Variants in ATL3 observed in about 807,000 individuals in gnomAD.
The protein encoded by ATL3 is atlastin-3.
ATL3 carries 49 observed loss-of-function variants against 69.5 expected under a neutral mutation model. That is an observed-to-expected ratio of 0.71 (90% CI 0.56 to 0.89). ATL3 has a LOEUF of 0.89. ATL3 is among the 40% of genes least tolerant of loss of function. ATL3 has a pLI of 0.00. For synonymous variants in ATL3, 214 were observed against 224.1 expected, an observed-to-expected ratio of 0.95 and a Z score of 0.40; for missense variants, 606 against 645.7, an observed-to-expected ratio of 0.94 and a Z score of 0.67.
rs1183900355 is a variant in ATL3 at position 63,671,306 on chromosome 11, A to G, written c.30T>C (p.Ala10=). 1 of 1,587,792 alleles carries G rather than the reference A, an allele frequency of 6.3e-7. No individual in the cohort carries two copies. The highest frequency in any genetic ancestry group is 1.7e-5 in the Admixed American group (1 of 57,802). The stretch of plus-strand genomic sequence containing the variant: ...GCGCCTCACCTGCTCCTCTTGAGGC[A>G]GCTGCTGCCACTCGCTGAGGGGACA... MLSPQRVAA[A]ASRGADDAME... Residue 10 remains alanine, a synonymous_variant, in exon 1 of 13, where the codon GCT becomes GCC. Transcript: ENST00000398868.
chr11:63,653,950 C>T (rs562912878), intron 3 of ATL3, among the ~76,000 whole-genome samples: 5 of 152,060 alleles, frequency 3.3e-5, no homozygotes, highest in Admixed American at 2.0e-4. Context: ...ATCCAATGTA[C>T]AACACAATGA....
chr11:63,652,697 G>T, intron 3 of ATL3, 122 bp from the exon 4 acceptor site: 1 of 585,346 alleles, frequency 1.7e-6, no homozygotes, highest in Non-Finnish European at 2.9e-6. Flanking sequence ...TGAGCCTTAA[G>T]CACCTGCTTG....
intron 1 of ATL3, among the ~76,000 whole-genome samples, chr11:63,666,648 G>C (rs911363030): frequency 7.4e-5 from 11 of 148,526 alleles, no homozygotes; most frequent in African/African-American, 2.7e-4. Flanking sequence ...GCGATCAAGT[G>C]ATCTATCCAC....
chr11:63,636,267 T>G lies in ATL3; in HGVS notation c.918A>C (p.Leu306Phe). ...LIPYVLNPSKLMEKEINGSKV... is the reference protein window; with the variant it reads ...LIPYVLNPSKFMEKEINGSKV... Reference sequence around the variant, plus strand: ...TTGAGCCATTGATCTCCTTTTCCATTAACTTAGATGGGTTTAATACATACG... The same window carrying G: ...TTGAGCCATTGATCTCCTTTTCCATGAACTTAGATGGGTTTAATACATACG... Residue 306 changes from leucine to phenylalanine, a missense_variant, in exon 9 of 13, where the codon TTA (leucine) becomes TTC (phenylalanine). Leu to Phe is a conservative substitution (Grantham distance 22). Transcript: ENST00000398868. The G allele has an allele frequency of 1.2e-6, 2 of 1,614,032 alleles. No individual in the cohort carries two copies. Among genetic ancestry groups the G allele is most frequent in the Non-Finnish European group, 1.7e-6 (2 of 1,180,002 alleles).
chr11:63,643,555 C>G, intron 7 of ATL3, 60 bp from the exon 8 acceptor site: 1 of 1,499,342 alleles, frequency 6.7e-7, no homozygotes, highest in Non-Finnish European at 9.1e-7. Context: ...TCACTAGGGA[C>G]AACTAGTATA....
chr11:63,658,236 G>T (rs1940318104), intron 3 of ATL3, among the ~76,000 whole-genome samples: 1 of 152,154 alleles, frequency 6.6e-6, no homozygotes, highest in Non-Finnish European at 1.5e-5. Flanking sequence ...AAAGCTATGT[G>T]TTTTTTAAAT....
rs987856214 is a variant in ATL3 at position 63,624,277 on chromosome 11, C to A, written c.*5042G>T. The A allele has an allele frequency of 1.3e-5, 2 of 152,100 alleles. No individual in the cohort carries two copies. Among genetic ancestry groups the A allele is most frequent in the African/African-American group, 4.8e-5 (2 of 41,394 alleles). 9.4% of individuals were successfully genotyped at this position (152,100 alleles called of 1,614,324 possible). On this transcript the variant is annotated 3_prime_UTR_variant, in exon 13 of 13. Coordinates refer to ENST00000398868, the MANE Select transcript of ATL3 (RefSeq NM_015459.5). ...CAAATCATTTTTTAAAATAAAAAAA[C>A]CTGAGGAAAATTTGTGTATGTACAA...
intron 5 of ATL3, among the ~76,000 whole-genome samples, chr11:63,649,391 G>C (rs1939995903): frequency 6.6e-6 from 1 of 152,144 alleles, no homozygotes; most frequent in East Asian, 1.9e-4. Context: ...TGATTCACCT[G>C]CCTCAGCCTC....
rs77255567 is a variant in ATL3 at position 63,639,945 on chromosome 11, T to G, written c.850+3412A>C. Among the ~76,000 whole-genome samples the G allele has an allele frequency of 4.3e-3, 647 of 152,208 alleles. 8 individuals carry two copies. Among genetic ancestry groups the G allele is most frequent in the African/African-American group, 0.015 (606 of 41,526 alleles). On this transcript the variant is annotated intron_variant, in intron 8 of 12. Coordinates refer to ENST00000398868, the MANE Select transcript of ATL3 (RefSeq NM_015459.5). ...ACTATCTACCTTATCTTTTTTTTTT[T>G]GGGACAGAGTTTCGCTCTTGTTGCC...
upstream of ATL3, chr11:63,671,383 G>A (rs1349315176): frequency 1.3e-6 from 2 of 1,548,968 alleles, no homozygotes; most frequent in Admixed American, 2.0e-5. Context: ...AGAGGAGAGG[G>A]ACGGGTGCGG....
chr11:63,640,408 C>T (rs1333972020), intron 8 of ATL3, among the ~76,000 whole-genome samples: 1 of 151,670 alleles, frequency 6.6e-6, no homozygotes, highest in Non-Finnish European at 1.5e-5. Context: ...CTACCTCAGC[C>T]TTCTGAGTAG....
chr11:63,641,530 A>C (rs972079189), intron 8 of ATL3, among the ~76,000 whole-genome samples: 1 of 152,232 alleles, frequency 6.6e-6, no homozygotes, highest in Non-Finnish European at 1.5e-5. Flanking sequence ...ATGTGACAAC[A>C]AAGAACCTGG....
At chr11:63,660,088 G>A (rs1590743057) in intron 1 of ATL3, among the ~76,000 whole-genome samples, 1 of 147,342 alleles carries the variant, frequency 6.8e-6, no homozygotes, top group Non-Finnish European at 1.5e-5. Flanking sequence ...CTGTCTCAAA[G>A]AAAAAAAGTA....
Position 63,631,255 on chromosome 11 carries a change from G to A in ATL3, c.1324C>T (p.Arg442Ter), listed in dbSNP as rs767929561. 49 of 1,614,202 alleles carry A rather than the reference G, an allele frequency of 3.0e-5. No individual in the cohort carries two copies. The highest frequency in any genetic ancestry group is 3.3e-4 in the Middle Eastern group (2 of 6,062). Residue 442 changes from arginine (R) to a stop codon, truncating the protein, a stop_gained, in exon 12 of 13, where the codon CGA (arginine) becomes TGA (stop). Transcript: ENST00000398868. LOFTEE classifies it high-confidence loss of function. ...CCCGTGAACAGCACTGCAGGGGTTC[G>A]GAAGGTGCTGAAGACGTTCTTGCTA... Reference protein sequence around the residue: ...NGSKNVFSTFRTPAVLFTGIV... With the variant: ...NGSKNVFSTF
chr11:63,652,016 C>T (rs745732615), intron 4 of ATL3, 30 bp from the exon 5 acceptor site: 2 of 1,586,960 alleles, frequency 1.3e-6, no homozygotes, highest in South Asian at 1.2e-5. Context: ...ATTGATACTA[C>T]TCTGGCTTAC....
rs1240976180 is a variant in ATL3, at chr11:63,629,323, T to C, written c.1622A>G (p.Gln541Arg). The change falls in exon 13 of 13, where the codon CAA (glutamine) becomes CGA (arginine). Residue 541 changes from glutamine (Q) to arginine (R), a missense_variant. Gln to Arg is a conservative substitution (Grantham distance 43, BLOSUM62 1). Coordinates refer to ENST00000398868, the MANE Select transcript of ATL3 (RefSeq NM_015459.5). ...VGRPSMDKKA[Q>R] Reference sequence around the variant, plus strand: ...TTTGATCTTCACGTTAAGATGCTATTGAGCTTTTTTATCCATGGATGGTCT... The same window carrying C: ...TTTGATCTTCACGTTAAGATGCTATCGAGCTTTTTTATCCATGGATGGTCT... 1.2e-6 allele frequency: 2 copies of C among 1,613,750 alleles called. No individual in the cohort carries two copies. The highest frequency in any genetic ancestry group is 4.5e-5 in the East Asian group (2 of 44,884).
chr11:63,636,378 C>T (rs929651273), intron 8 of ATL3, 44 bp from the exon 9 acceptor site: 7 of 1,612,266 alleles, frequency 4.3e-6, no homozygotes, highest in Admixed American at 3.4e-5. Context: ...GCCAAACAGC[C>T]TTATTCAACC....
chr11:63,631,573 TAAC>T, intron 11 of ATL3, 102 bp from the exon 12 acceptor site: 1 of 1,037,004 alleles, frequency 9.6e-7, no homozygotes, highest in Non-Finnish European at 1.4e-6. Flanking sequence ...TTTAAGATGT[TAAC>T]AATGTATTAA....
chr11:63,660,332 A>G (rs768863292), intron 1 of ATL3, among the ~76,000 whole-genome samples: 1 of 152,198 alleles, frequency 6.6e-6, no homozygotes, highest in Non-Finnish European at 1.5e-5. Context: ...CTTCCATATC[A>G]TTACTTAACA....
Sources: allele counts gnomAD v4.1 joint callset (sites outside exome capture counted in the v4.1 genomes callset), GRCh38; gene constraint gnomAD v4.1.1; transcripts MANE v1.5; gene names NCBI Gene and HGNC (gene_info 2026-07-23, HGNC 2026-07-21).